The following EXT1 variants were observed in gnomAD, a reference collection of about 807,000 sequenced individuals.
The protein encoded by EXT1 is exostosin glycosyltransferase 1.
Under a neutral mutation model 82.5 loss-of-function variants are expected in EXT1, and 20 were observed. That is an observed-to-expected ratio of 0.24 (90% CI 0.17 to 0.35). The LOEUF is 0.35. Among genes scored for constraint, EXT1 ranks in the 10% least tolerant of loss-of-function variants. EXT1 has a pLI of 1.00. For missense variants in EXT1, 757 were observed against 936.5 expected, an observed-to-expected ratio of 0.81 and a Z score of 2.50; for synonymous variants, 348 against 350.8, an observed-to-expected ratio of 0.99 and a Z score of 0.09.
At chr8:118,045,673 C>G (rs528649830) in intron 1 of EXT1, among the ~76,000 whole-genome samples, 4 of 152,194 alleles carry the variant, frequency 2.6e-5, no homozygotes, top group African/African-American at 9.6e-5. Context: ...CCTCCTCCCA[C>G]CTGCCACCAC....
intron 1 of EXT1, among the ~76,000 whole-genome samples, chr8:118,017,225 A>G (rs1816020237): frequency 6.6e-6 from 1 of 152,124 alleles, no homozygotes. Context: ...AACCTACCTC[A>G]TTCTCCTTAT....
At chr8:117,859,963 A>G (rs1197421500) in intron 1 of EXT1, among the ~76,000 whole-genome samples, 2 of 152,144 alleles carry the variant, frequency 1.3e-5, no homozygotes, top group Non-Finnish European at 2.9e-5. Context: ...CCTGGCCCAC[A>G]TGGTGCAACC....
At chr8:117,897,591 C>CTCTTTTTTTTTTTTTTTT (rs775608794) in intron 1 of EXT1, among the ~76,000 whole-genome samples, 2 of 90,654 alleles carry the variant, frequency 2.2e-5, no homozygotes, top group Admixed American at 1.4e-4. Context: ...CTTCTTTTCT[C>CTCTTTTTTTTTTTTTTTT]TTTTTTTTTT....
Position 117,807,200 on chromosome 8 carries a change from A to G in EXT1, c.1883+17T>C. The G allele has an allele frequency of 3.1e-6, 5 of 1,614,162 alleles. No homozygotes were observed. Among genetic ancestry groups the G allele is most frequent in the Non-Finnish European group, 4.2e-6 (5 of 1,179,978 alleles). ...AAGCTATGTAAAGTCTGTAAGAGAC[A>G]TGTCCAGATTCCTCACTTGTGGTAA... is the stretch of plus-strand genomic sequence containing the variant. On this transcript the variant is annotated intron_variant, in intron 9 of 10. Transcript: ENST00000378204.
At chr8:118,039,228 G>A (rs926269074) in intron 1 of EXT1, among the ~76,000 whole-genome samples, 2 of 152,088 alleles carry the variant, frequency 1.3e-5, no homozygotes, top group Admixed American at 1.3e-4. Context: ...TGTATTTGCT[G>A]ATTCTTTCTT....
chr8:117,881,829 G>A (rs963642459), intron 1 of EXT1, among the ~76,000 whole-genome samples: 1 of 152,128 alleles, frequency 6.6e-6, no homozygotes, highest in Non-Finnish European at 1.5e-5. Flanking sequence ...AAGTCAGAAG[G>A]AAACCACAAA....
chr8:117,980,024 A>G (rs1233622936), intron 1 of EXT1, among the ~76,000 whole-genome samples: 1 of 152,186 alleles, frequency 6.6e-6, no homozygotes, highest in African/African-American at 2.4e-5. Context: ...AGAGATCTCC[A>G]TGGTGTAATG....
intron 1 of EXT1, among the ~76,000 whole-genome samples, chr8:117,899,720 C>T (rs1384881947): frequency 6.6e-6 from 1 of 152,124 alleles, no homozygotes; most frequent in Non-Finnish European, 1.5e-5. Flanking sequence ...CAAGGAGTAG[C>T]AAGATAAATG....
chr8:117,873,812 G>A (rs1164688544), intron 1 of EXT1, among the ~76,000 whole-genome samples: 1 of 152,150 alleles, frequency 6.6e-6, no homozygotes, highest in East Asian at 1.9e-4. Context: ...CAATAGGATT[G>A]GGGTGATTTT....
At chr8:117,802,927 T>C (rs1226046613) in intron 10 of EXT1, among the ~76,000 whole-genome samples, 5 of 152,216 alleles carry the variant, frequency 3.3e-5, no homozygotes, top group African/African-American at 9.6e-5. Context: ...AAATTCTTTA[T>C]AAACTTTAAA....
At chr8:117,977,153 G>T (rs150370417) in intron 1 of EXT1, among the ~76,000 whole-genome samples, 1 of 152,086 alleles carries the variant, frequency 6.6e-6, no homozygotes. Context: ...TTGGGAGGCC[G>T]AGGTGGGTGG....
chr8:117,897,911 T>C (rs1405291204), intron 1 of EXT1, among the ~76,000 whole-genome samples: 1 of 152,140 alleles, frequency 6.6e-6, no homozygotes, highest in African/African-American at 2.4e-5. Flanking sequence ...CCGCCTGGAA[T>C]TTTTAAGCCT....
At chr8:117,846,035 A>T (rs1326866528) in intron 1 of EXT1, among the ~76,000 whole-genome samples, 1 of 152,330 alleles carries the variant, frequency 6.6e-6, no homozygotes, top group South Asian at 2.1e-4. Flanking sequence ...AGAGACATTT[A>T]ATACATCGTG....
rs986877897 is a variant in EXT1 at position 117,826,806 on chromosome 8, T to TA, written c.1284+3423dup. Among the ~76,000 whole-genome samples the TA allele has an allele frequency of 1.0e-3, 155 of 151,070 alleles. 2 individuals carry two copies. Among genetic ancestry groups the TA allele is most frequent in the African/African-American group, 3.6e-3 (148 of 41,222 alleles). The stretch of plus-strand genomic sequence containing the variant: ...TAAAAAAACCCCAAAACTGTGTTGC[T>TA]AAAAAAAAATAATAATAATACATGG... On this transcript the variant is annotated intron_variant, in intron 4 of 10. Transcript: ENST00000378204.
chr8:118,007,690 A>G (rs1374181034), intron 1 of EXT1, among the ~76,000 whole-genome samples: 1 of 152,276 alleles, frequency 6.6e-6, no homozygotes, highest in East Asian at 1.9e-4. Context: ...CCAGGTAACT[A>G]CAAGACTGTA....
Position 118,110,918 on chromosome 8 carries a change from C to A in EXT1, c.129G>T (p.Arg43Ser). ...CCGGACTGGGGTGGTGCAAGCCATT[C>A]CTACCGCTGTGTTCTTCTCTCCGGC... Reference protein sequence around the residue: ...SHSRREEHSGRNGLHHPSPDH... With the variant: ...SHSRREEHSGSNGLHHPSPDH... Residue 43 changes from arginine (R) to serine (S), a missense_variant, in exon 1 of 11, where the codon AGG (arginine) becomes AGT (serine). Arg to Ser is a moderately radical substitution (Grantham distance 110, BLOSUM62 -1). Transcript: ENST00000378204. 1.2e-6 allele frequency: 2 copies of A among 1,614,050 alleles called. No homozygotes were observed. Among genetic ancestry groups the A allele is most frequent in the Non-Finnish European group, 1.7e-6 (2 of 1,180,038 alleles).
chr8:117,929,856 G>A (rs1323761026), intron 1 of EXT1, among the ~76,000 whole-genome samples: 4 of 152,094 alleles, frequency 2.6e-5, no homozygotes, highest in South Asian at 2.1e-4. Context: ...ACCTGTAATC[G>A]CAGCACTTTG....
At chr8:117,928,318 C>A (rs181824820) in intron 1 of EXT1, among the ~76,000 whole-genome samples, 2 of 152,292 alleles carry the variant, frequency 1.3e-5, no homozygotes, top group East Asian at 3.9e-4. Context: ...TCTGCCCAGC[C>A]TATTACCTTA....
At chr8:117,819,594 CGG>C in intron 6 of EXT1, 80 bp downstream of exon 6, 1 of 1,204,398 alleles carries the variant, frequency 8.3e-7, no homozygotes, top group Non-Finnish European at 1.2e-6. Flanking sequence ...CTGGGGAGCC[CGG>C]GGGATAACAG....
Sources: allele counts gnomAD v4.1 joint callset (sites outside exome capture counted in the v4.1 genomes callset), GRCh38; gene constraint gnomAD v4.1.1; transcripts MANE v1.5; gene names NCBI Gene and HGNC (gene_info 2026-07-23, HGNC 2026-07-21).